MAGI2: variants seen among roughly 807,000 people sequenced by gnomAD.
The protein encoded by MAGI2 is membrane associated guanylate kinase, WW and PDZ domain containing 2, also known as membrane-associated guanylate kinase, WW and PDZ domain-containing protein 2.
Under a neutral mutation model 133.3 loss-of-function variants are expected in MAGI2, and 35 were observed. That is an observed-to-expected ratio of 0.26 (90% CI 0.20 to 0.35). The LOEUF is 0.35. Ranked by LOEUF, MAGI2 falls within the 10% of genes least tolerant of loss-of-function variation. The probability of loss-of-function intolerance (pLI) is 1.00; values close to 1 mark genes in which losing one functional copy is unlikely to be tolerated. For missense variants in MAGI2, 1,636 were observed against 1,863.4 expected (o/e 0.88, Z 2.25); for synonymous variants, 729 against 710.6 (o/e 1.03, Z -0.41).
intron 2 of MAGI2, among the ~76,000 whole-genome samples, chr7:78,718,603 C>T (rs948237983): frequency 3.3e-5 from 5 of 151,774 alleles, no homozygotes; most frequent in South Asian, 4.2e-4. Context: ...CACTGTCCCC[C>T]ATCACCCCCA....
chr7:78,682,278 A>G (rs763435542), intron 2 of MAGI2, among the ~76,000 whole-genome samples: 2 of 152,044 alleles, frequency 1.3e-5, no homozygotes, highest in Admixed American at 6.5e-5. Flanking sequence ...GGATGTGCAG[A>G]TTTGTTACAT....
At chr7:79,153,192 T>C (rs1269025237) in intron 1 of MAGI2, among the ~76,000 whole-genome samples, 16 of 152,198 alleles carry the variant, frequency 1.1e-4, no homozygotes, top group Non-Finnish European at 2.2e-4. Context: ...TCAATTTTGA[T>C]ATGATTAAAA....
chr7:79,369,473 A>G (rs1462931022), intron 1 of MAGI2, among the ~76,000 whole-genome samples: 2 of 152,220 alleles, frequency 1.3e-5, no homozygotes, highest in African/African-American at 4.8e-5. Context: ...CAGTCAGGAA[A>G]GCCCAGCTGA....
chr7:79,427,751 G>GA (rs1047043977), intron 1 of MAGI2, among the ~76,000 whole-genome samples: 4 of 152,060 alleles, frequency 2.6e-5, no homozygotes, highest in South Asian at 2.1e-4. Context: ...GTGCAGTACG[G>GA]AAAAAAAGTA....
At chr7:78,853,975 C>T (rs1563582180) in intron 2 of MAGI2, among the ~76,000 whole-genome samples, 1 of 151,676 alleles carries the variant, frequency 6.6e-6, no homozygotes, top group African/African-American at 2.4e-5. Context: ...CTCTCTCTCT[C>T]TCTGTGATTT....
chr7:79,025,170 G>T (rs1209717741), intron 1 of MAGI2, among the ~76,000 whole-genome samples: 3 of 96,344 alleles, frequency 3.1e-5, no homozygotes, highest in African/African-American at 1.0e-4. Context: ...ATACCATGCA[G>T]CCATAAAAAA....
intron 2 of MAGI2, among the ~76,000 whole-genome samples, chr7:78,651,891 A>C (rs1811614509): frequency 6.6e-6 from 1 of 152,182 alleles, no homozygotes; most frequent in African/African-American, 2.4e-5. Flanking sequence ...CTAAAAGAGA[A>C]AAGAAAAAAA....
In MAGI2 at chr7:79,182,173, T is replaced by A. The variant is rs1303082109; in HGVS notation, c.302-174967A>T. On this transcript the variant is annotated intron_variant, in intron 1 of 21. Coordinates refer to ENST00000354212, the MANE Select transcript of MAGI2 (RefSeq NM_012301.4). ...GGGTTTCTTTTCAGCAGTACCCCACTCTACTGTTACCAATTTACCATATTA... is the reference window on the plus strand; with the variant it reads ...GGGTTTCTTTTCAGCAGTACCCCACACTACTGTTACCAATTTACCATATTA... Among the ~76,000 whole-genome samples, 2 of 151,982 alleles carry A rather than the reference T, an allele frequency of 1.3e-5. 1 individual carries two copies. The highest frequency in any genetic ancestry group is 4.8e-5 in the African/African-American group (2 of 41,294).
intron 3 of MAGI2, chr7:78,615,174 T>C (rs775278837): frequency 1.6e-4 from 25 of 152,216 alleles, no homozygotes; most frequent in Admixed American, 9.2e-4. Context: ...CATTTTCTTT[T>C]AATGGTTTGC....
At chr7:78,326,913 C>A (rs1467196007) in intron 9 of MAGI2, among the ~76,000 whole-genome samples, 1 of 152,120 alleles carries the variant, frequency 6.6e-6, no homozygotes, top group Non-Finnish European at 1.5e-5. Flanking sequence ...GTGTTAGGGG[C>A]AGAGAGGAAG....
chr7:78,284,727 A>C (rs1422411429), intron 9 of MAGI2, among the ~76,000 whole-genome samples: 1 of 151,972 alleles, frequency 6.6e-6, no homozygotes, highest in Admixed American at 6.6e-5. Flanking sequence ...CAGTGGAGAA[A>C]CTTAGCTGCC....
intron 3 of MAGI2, among the ~76,000 whole-genome samples, chr7:78,589,188 T>G (rs1803730027): frequency 6.6e-6 from 1 of 152,132 alleles, no homozygotes; most frequent in African/African-American, 2.4e-5. Context: ...AAATCTACGT[T>G]TCATCATCAT....
At chr7:79,035,195 T>C (rs1251061378) in intron 1 of MAGI2, among the ~76,000 whole-genome samples, 2 of 135,986 alleles carry the variant, frequency 1.5e-5, no homozygotes, top group Non-Finnish European at 3.1e-5. Flanking sequence ...AAAAAGTGTG[T>C]GTGTGTGTGT....
chr7:78,684,814 A>C (rs1585078251), intron 2 of MAGI2, among the ~76,000 whole-genome samples: 1 of 152,340 alleles, frequency 6.6e-6, no homozygotes, highest in East Asian at 1.9e-4. Flanking sequence ...ACTATGTTCC[A>C]CACGTATACA....
intron 21 of MAGI2, among the ~76,000 whole-genome samples, chr7:78,072,109 T>C (rs969945389): frequency 2.0e-5 from 3 of 152,124 alleles, no homozygotes; most frequent in Non-Finnish European, 2.9e-5. Context: ...ATAGATGAAG[T>C]TTTGGCTCAT....
At chr7:78,867,331 A>G (rs1213234324) in intron 2 of MAGI2, among the ~76,000 whole-genome samples, 3 of 149,716 alleles carry the variant, frequency 2.0e-5, no homozygotes, top group Non-Finnish European at 4.5e-5. Flanking sequence ...AAAATGTGGC[A>G]CATATACACC....
At chr7:78,414,709 A>G (rs931939671) in intron 6 of MAGI2, among the ~76,000 whole-genome samples, 1 of 151,924 alleles carries the variant, frequency 6.6e-6, no homozygotes, top group African/African-American at 2.4e-5. Context: ...AATATACTCT[A>G]TTTGCTGGTA....
At chr7:78,562,126 A>T (rs925325770) in intron 3 of MAGI2, among the ~76,000 whole-genome samples, 1 of 152,212 alleles carries the variant, frequency 6.6e-6, no homozygotes, top group African/African-American at 2.4e-5. Context: ...TGATGTACAT[A>T]AAGATGTTCC....
chr7:78,194,399 C>T (rs1280005128), intron 12 of MAGI2, among the ~76,000 whole-genome samples: 1 of 152,168 alleles, frequency 6.6e-6, no homozygotes, highest in Non-Finnish European at 1.5e-5. Context: ...TAGATCAGTA[C>T]TGCATTCGAA....
Sources: gnomAD v4.1 joint callset for allele counts (sites outside exome capture counted in the v4.1 genomes callset) on GRCh38, gnomAD v4.1.1 for gene constraint, MANE v1.5 for transcripts, NCBI Gene and HGNC (gene_info 2026-07-23, HGNC 2026-07-21) for gene names.